Variants in KIF22 observed in about 807,000 individuals in gnomAD.
The protein encoded by KIF22 is kinesin family member 22.
A neutral mutation model predicts 73.0 loss-of-function variants in KIF22; 62 were observed. The observed-to-expected ratio is 0.85, with a 90% CI of 0.69 to 1.05. The LOEUF (loss-of-function observed/expected upper bound fraction) is 1.05. KIF22 is among the 50% of genes least tolerant of loss of function. KIF22 has a pLI of 0.00. For synonymous variants in KIF22, 411 were observed against 340.1 expected, an observed-to-expected ratio of 1.21 and a Z score of -2.29; for missense variants, 854 against 870.1, an observed-to-expected ratio of 0.98 and a Z score of 0.23.
At position 29,805,318 on chromosome 16, in the gene KIF22, C is replaced by A; in HGVS notation, c.*8C>A. The stretch of plus-strand genomic sequence containing the variant: ...CGCTGTGGCGCCTCCTGACCGTCGT[C>A]TCCTCACTCCGCCTTTTCAAATTTT... On this transcript the variant is annotated 3_prime_UTR_variant, in exon 14 of 14. Coordinates refer to ENST00000160827, the MANE Select transcript of KIF22 (RefSeq NM_007317.3). The A allele has an allele frequency of 1.2e-6, 2 of 1,612,666 alleles. No homozygotes were observed. Among genetic ancestry groups the A allele is most frequent in the Non-Finnish European group, 1.7e-6 (2 of 1,179,912 alleles).
chr16:29,791,079 A>C, intron 1 of KIF22: 11 of 1,356,860 alleles, frequency 8.1e-6, no homozygotes, highest in Non-Finnish European at 9.5e-6. Flanking sequence ...CTTGGCTTGA[A>C]CCCCGCGCAC....
At chr16:29,795,650 G>C (rs919709007) in intron 1 of KIF22, among the ~76,000 whole-genome samples, 2 of 152,170 alleles carry the variant, frequency 1.3e-5, no homozygotes, top group Admixed American at 6.5e-5. Flanking sequence ...ACGTAAAATA[G>C]AGTAATACTC....
Position 29,798,941 on chromosome 16 carries a change from G to A in KIF22, c.550-34G>A. 1 of 1,600,360 alleles carries A rather than the reference G, an allele frequency of 6.2e-7. No homozygotes were observed. The highest frequency in any genetic ancestry group is 1.1e-5 in the South Asian group (1 of 90,796). On this transcript the variant is annotated intron_variant, in intron 4 of 13. Coordinates refer to ENST00000160827, the MANE Select transcript of KIF22 (RefSeq NM_007317.3). This position sits in a 1 kb window ranked among gnomAD's most constrained non-coding sequence, Gnocchi z 4.1. ...CCCCAGGAAGAAACAGCCTCTCTAT[G>A]GAGAATTGCCCTTCCCCTTCACTGC...
chr16:29,795,069 A>T (rs1258875114), intron 1 of KIF22, among the ~76,000 whole-genome samples: 3 of 152,154 alleles, frequency 2.0e-5, no homozygotes, highest in African/African-American at 4.8e-5. Context: ...AAGTGCTTCT[A>T]CATCTGCCAT....
chr16:29,802,940 A>G lies in KIF22; in HGVS notation c.1449+3A>G. The G allele has an allele frequency of 3.1e-6, 5 of 1,611,466 alleles. No individual in the cohort carries two copies. Among genetic ancestry groups the G allele is most frequent in the Non-Finnish European group, 4.2e-6 (5 of 1,178,988 alleles). On this transcript the variant is annotated splice_donor_region_variant and intron_variant, in intron 9 of 13. Transcript: ENST00000160827. Reference sequence around the variant, plus strand: ...AAGAGAAGGACCTAGAGATTGAGGTACGTGTTTTAGGGATGTGGGAGCTGG... The same window carrying G: ...AAGAGAAGGACCTAGAGATTGAGGTGCGTGTTTTAGGGATGTGGGAGCTGG...
At chr16:29,804,356 A>G (rs770541604) in intron 11 of KIF22, 1 of 602,164 alleles carries the variant, frequency 1.7e-6, no homozygotes, top group Non-Finnish European at 3.0e-6. Context: ...CTATGACCTA[A>G]GCAGTCAAGC....
chr16:29,803,054 C>G, intron 9 of KIF22, 117 bp downstream of exon 9: 1 of 1,002,586 alleles, frequency 1.0e-6, no homozygotes, highest in Non-Finnish European at 1.5e-6. Context: ...CTCCCAATAC[C>G]GGAAGTTCTC....
At chr16:29,804,717 A>C (rs1302944307) in intron 11 of KIF22, 97 bp from the exon 12 acceptor site, 1 of 934,892 alleles carries the variant, frequency 1.1e-6, no homozygotes, top group Non-Finnish European at 1.7e-6. Flanking sequence ...AAGAGGCTGG[A>C]GCGCAGGAGG....
Position 29,804,629 on chromosome 16 carries a change from CTT to C in KIF22, c.1678-183_1678-182del, listed in dbSNP as rs1244509022. ...CCACTGGGTACTGAGTAGTACCTCT[CTT>C]TCACTAGTTGCATAATAAGAATTAA... On this transcript the variant is annotated intron_variant, in intron 11 of 13. Coordinates refer to ENST00000160827, the MANE Select transcript of KIF22 (RefSeq NM_007317.3). 20 of 700,592 alleles carry C rather than the reference CTT, an allele frequency of 2.9e-5. No individual in the cohort carries two copies. In the East Asian group the frequency reaches 4.6e-4, roughly 16 times the overall value. The allele number at this position is 700,592 out of a possible 1,614,324, so 43.4% of individuals were successfully genotyped here. A position where few individuals can be genotyped will look rare whatever the true frequency, so the allele number is the denominator to read the frequency against.
rs1310668066 is a variant in KIF22, at chr16:29,790,842, G to A, written c.70+13G>A. On this transcript the variant is annotated intron_variant, in intron 1 of 13. Coordinates refer to ENST00000160827, the MANE Select transcript of KIF22 (RefSeq NM_007317.3). ...GCGGCGATCTCAGGTACTTGAGCCC[G>A]GCCTGGGCAAGGCGGGTACCGACGT... 2 of 1,596,552 alleles carry A rather than the reference G, an allele frequency of 1.3e-6. No individual in the cohort carries two copies. Among genetic ancestry groups the A allele is most frequent in the Non-Finnish European group, 1.7e-6 (2 of 1,171,632 alleles).
chr16:29,800,205 A>G, intron 8 of KIF22, 157 bp downstream of exon 8: 3 of 843,040 alleles, frequency 3.6e-6, no homozygotes, highest in East Asian at 2.8e-5. Context: ...CTGTAACCCC[A>G]GCACTTTGGG....
chr16:29,795,309 A>G (rs991128741), intron 1 of KIF22, among the ~76,000 whole-genome samples: 46 of 152,192 alleles, frequency 3.0e-4, no homozygotes, highest in Non-Finnish European at 2.1e-4. Context: ...TTATCAGATG[A>G]TGGAATGGAG....
In KIF22 at chr16:29,790,836, G is replaced by A. The variant is rs768529694; in HGVS notation, c.70+7G>A. ...TCAGCGGCGGCGATCTCAGGTACTT[G>A]AGCCCGGCCTGGGCAAGGCGGGTAC... On this transcript the variant is annotated splice_region_variant and intron_variant, in intron 1 of 13. Transcript: ENST00000160827. 1.3e-6 allele frequency: 2 copies of A among 1,598,824 alleles called. No individual in the cohort carries two copies. Among genetic ancestry groups the A allele is most frequent in the Middle Eastern group, 1.7e-4 (1 of 6,026 alleles).
rs1215303792 is a variant in KIF22 at position 29,798,572 on chromosome 16, T to A, written c.395-21T>A. On this transcript the variant is annotated intron_variant, in intron 3 of 13. Transcript: ENST00000160827. The surrounding 1 kb of genome is among the most constrained non-coding windows in gnomAD (Gnocchi z 4.1). ...GGAAACGGAGAGGAAAACCTCACAG[T>A]TTTCTCCACTCTCTTCCCAGGGAAG... 1 of 1,613,438 alleles carries A rather than the reference T, an allele frequency of 6.2e-7. No individual in the cohort carries two copies. Among genetic ancestry groups the A allele is most frequent in the Non-Finnish European group, 8.5e-7 (1 of 1,179,794 alleles).
In KIF22 at chr16:29,798,313, T is replaced by TACACACACAC. The variant is rs6145811; in HGVS notation, c.267-36_267-27dup. 10 of 1,241,534 alleles carry TACACACACAC rather than the reference T, an allele frequency of 8.1e-6. No homozygotes were observed. The African/African-American group carries it at 1.1e-4, about 13-fold the overall frequency. The allele number at this position is 1,241,534 out of a possible 1,614,324, so 76.9% of individuals were successfully genotyped here. A position where few individuals can be genotyped will look rare whatever the true frequency, so the allele number is the denominator to read the frequency against. On this transcript the variant is annotated intron_variant, in intron 2 of 13. Transcript: ENST00000160827. This position sits in a 1 kb window ranked among gnomAD's most constrained non-coding sequence, Gnocchi z 4.1. Reference sequence around the variant, plus strand: ...CCCACCCCCACCCCACTCCACCCCTTACACACACACACACACACACACACA... The same window carrying TACACACACAC: ...CCCACCCCCACCCCACTCCACCCCTTACACACACACACACACACACACACACACACACACA...
intron 11 of KIF22, chr16:29,804,398 C>T (rs1370447799): frequency 4.9e-6 from 3 of 606,180 alleles, no homozygotes; most frequent in Non-Finnish European, 8.9e-6. Context: ...TACCCAGAAT[C>T]GAACACCACT....
At chr16:29,802,377 G>A (rs1345696826) in intron 8 of KIF22, among the ~76,000 whole-genome samples, 3 of 151,858 alleles carry the variant, frequency 2.0e-5, no homozygotes, top group Admixed American at 6.6e-5. Context: ...AAGCTTGGCA[G>A]CTGAGGTCTT....
rs374960997 is a variant in KIF22, at chr16:29,804,865, G to A, written c.1729G>A (p.Glu577Lys). ...TGAGGAGAAGGCTGAGGACTGCTGG[G>A]AGCTACAGATCAGCCCGGAGCTACT... The part of the protein sequence containing the change: ...EPEEKAEDCW[E>K]LQISPELLAH... The change falls in exon 12 of 14, where the codon GAG (glutamate) becomes AAG (lysine). Residue 577 changes from glutamate to lysine, a missense_variant. By Grantham distance (56) the Glu-to-Lys change is moderately conservative. This residue lies in a region of KIF22 where 423 missense variants were observed against 365.4 expected (regional missense o/e 1.16). Transcript: ENST00000160827. 3.6e-5 allele frequency: 58 copies of A among 1,613,664 alleles called. No homozygotes were observed. The highest frequency in any genetic ancestry group is 4.4e-5 in the Non-Finnish European group (52 of 1,179,916).
intron 9 of KIF22, 111 bp downstream of exon 9, chr16:29,803,048 C>A: frequency 1.8e-6 from 2 of 1,089,470 alleles, no homozygotes; most frequent in Non-Finnish European, 1.4e-6. Flanking sequence ...AGTTTTCTCC[C>A]AATACCGGAA....
Sources: allele counts gnomAD v4.1 joint callset (sites outside exome capture counted in the v4.1 genomes callset), GRCh38; gene constraint gnomAD v4.1.1; regional missense constraint gnomAD v4.1.1; non-coding constraint Gnocchi (gnomAD v3.1); transcripts MANE v1.5; gene names NCBI Gene and HGNC (gene_info 2026-07-23, HGNC 2026-07-21).